The following NALF1 variants were observed in gnomAD, a reference collection of about 807,000 sequenced individuals.
The protein encoded by NALF1 is family with sequence similarity 155 member A.
Under a neutral mutation model 48.4 loss-of-function variants are expected in NALF1, and 3 were observed. That is an observed-to-expected ratio of 0.06 (90% CI 0.03 to 0.16). The LOEUF is 0.16. Ranked by LOEUF, NALF1 falls within the 10% of genes least tolerant of loss-of-function variation. NALF1 has a pLI of 1.00. For missense variants in NALF1, 526 were observed against 571.5 expected (o/e 0.92, Z 0.81); for synonymous variants, 262 against 245.7 (o/e 1.07, Z -0.62).
intron 1 of NALF1, among the ~76,000 whole-genome samples, chr13:107,665,463 A>T (rs748330155): frequency 6.6e-6 from 1 of 152,130 alleles, no homozygotes; most frequent in African/African-American, 2.4e-5. Context: ...ACCAGTTTCC[A>T]TATTAGCTTT....
intron 1 of NALF1, among the ~76,000 whole-genome samples, chr13:107,626,654 T>G (rs1208131432): frequency 6.6e-6 from 1 of 152,120 alleles, no homozygotes; most frequent in Admixed American, 6.6e-5. Flanking sequence ...AAACTGGATA[T>G]CATTATGTTA....
At chr13:107,699,778 T>A (rs1484180000) in intron 1 of NALF1, among the ~76,000 whole-genome samples, 2 of 151,836 alleles carry the variant, frequency 1.3e-5, no homozygotes, top group African/African-American at 4.8e-5. Context: ...CCCCAAATAC[T>A]CCACACACAA....
intron 1 of NALF1, among the ~76,000 whole-genome samples, chr13:107,472,244 G>A (rs1488925868): frequency 2.0e-5 from 3 of 152,256 alleles, no homozygotes; most frequent in East Asian, 1.9e-4. Context: ...CAGGAGAATT[G>A]CTTGAACCTG....
At chr13:107,566,932 A>C (rs1251564113) in intron 1 of NALF1, among the ~76,000 whole-genome samples, 1 of 152,208 alleles carries the variant, frequency 6.6e-6, no homozygotes, top group Non-Finnish European at 1.5e-5. Flanking sequence ...TATTCAAAAG[A>C]CTGCTGTATT....
intron 1 of NALF1, among the ~76,000 whole-genome samples, chr13:107,653,032 C>A (rs540788347): frequency 1.3e-5 from 2 of 152,186 alleles, no homozygotes; most frequent in African/African-American, 4.8e-5. Flanking sequence ...GGTTGAAGGA[C>A]ACTTCATTCA....
chr13:107,693,328 T>TGGGGGGGGGG (rs1566446153), intron 1 of NALF1, among the ~76,000 whole-genome samples: 23 of 55,952 alleles, frequency 4.1e-4, no homozygotes, highest in South Asian at 7.7e-4. Flanking sequence ...TGTCGTAGGG[T>TGGGGGGGGGG]AGGGGGGGCG....
intron 1 of NALF1, among the ~76,000 whole-genome samples, chr13:107,370,261 T>A (rs1883225654): frequency 6.6e-6 from 1 of 152,214 alleles, no homozygotes; most frequent in African/African-American, 2.4e-5. Flanking sequence ...GCACATGCAG[T>A]GGATGAATCA....
chr13:107,864,324 G>C (rs112477544), intron 1 of NALF1, among the ~76,000 whole-genome samples: 1 of 152,218 alleles, frequency 6.6e-6, no homozygotes, highest in Non-Finnish European at 1.5e-5. Flanking sequence ...AGGTCAGTTT[G>C]AGTTTAATTT....
Position 107,170,371 on chromosome 13 carries a change from A to C in NALF1, c.*126T>G, listed in dbSNP as rs1418750710. On this transcript the variant is annotated 3_prime_UTR_variant, in exon 3 of 3. Coordinates refer to ENST00000375915, the MANE Select transcript of NALF1 (RefSeq NM_001080396.3). ...TTTGGATTCAGGCCCATCTGTTTAA[A>C]TTTTACCCTAAAGGCCTTGCAATAA... is the stretch of plus-strand genomic sequence containing the variant. 4.5e-6 allele frequency: 4 copies of C among 893,924 alleles called. No homozygotes were observed. The highest frequency in any genetic ancestry group is 1.7e-5 in the African/African-American group (1 of 59,856). The allele number at this position is 893,924 out of a possible 1,614,324, so 55.4% of individuals were successfully genotyped here. A position where few individuals can be genotyped will look rare whatever the true frequency, so the allele number is the denominator to read the frequency against.
At chr13:107,408,255 A>T (rs977636368) in intron 1 of NALF1, among the ~76,000 whole-genome samples, 2 of 152,100 alleles carry the variant, frequency 1.3e-5, no homozygotes, top group Non-Finnish European at 2.9e-5. Flanking sequence ...ATTTTAAAAT[A>T]GATTTTAAAA....
At chr13:107,576,606 A>G (rs1878156751) in intron 1 of NALF1, among the ~76,000 whole-genome samples, 1 of 152,172 alleles carries the variant, frequency 6.6e-6, no homozygotes, top group African/African-American at 2.4e-5. Context: ...TCACATACAT[A>G]TGGGTCAAGG....
intron 2 of NALF1, among the ~76,000 whole-genome samples, chr13:107,201,304 A>G (rs937421308): frequency 6.6e-6 from 1 of 152,212 alleles, no homozygotes; most frequent in Non-Finnish European, 1.5e-5. Context: ...CACAGTTCAC[A>G]ATGAAATGCT....
chr13:107,430,977 T>C (rs961266477), intron 1 of NALF1, among the ~76,000 whole-genome samples: 1 of 152,338 alleles, frequency 6.6e-6, no homozygotes. Flanking sequence ...TCCTGACTTT[T>C]TAATGATCGC....
chr13:107,328,914 A>T (rs1159392967), intron 1 of NALF1, among the ~76,000 whole-genome samples: 1 of 152,212 alleles, frequency 6.6e-6, no homozygotes, highest in African/African-American at 2.4e-5. Flanking sequence ...CTAACCCAAT[A>T]GGTCTACCAA....
chr13:107,748,886 C>T (rs572691920), intron 1 of NALF1, among the ~76,000 whole-genome samples: 1 of 152,190 alleles, frequency 6.6e-6, no homozygotes, highest in African/African-American at 2.4e-5. Flanking sequence ...GAAAAGGCCA[C>T]TTAGCTGTGG....
chr13:107,544,965 A>G (rs950383975), intron 1 of NALF1, among the ~76,000 whole-genome samples: 1 of 152,152 alleles, frequency 6.6e-6, no homozygotes, highest in African/African-American at 2.4e-5. Flanking sequence ...AAATAAACAT[A>G]CAGTGACACA....
At chr13:107,208,689 G>C (rs1336658570) in intron 2 of NALF1, among the ~76,000 whole-genome samples, 1 of 151,778 alleles carries the variant, frequency 6.6e-6, no homozygotes, top group Non-Finnish European at 1.5e-5. Context: ...TCATGTCACA[G>C]ACACCTCATT....
chr13:107,812,800 T>C (rs922613349), intron 1 of NALF1, among the ~76,000 whole-genome samples: 4 of 152,112 alleles, frequency 2.6e-5, no homozygotes, highest in South Asian at 4.1e-4. Flanking sequence ...TTTTTGTTTG[T>C]TGGTTGGTTC....
At chr13:107,737,030 G>A (rs1251535676) in intron 1 of NALF1, among the ~76,000 whole-genome samples, 1 of 152,172 alleles carries the variant, frequency 6.6e-6, no homozygotes, top group Non-Finnish European at 1.5e-5. Flanking sequence ...TGTTTTATCT[G>A]TTCAACCAAT....
Sources: gnomAD v4.1 joint callset for allele counts (sites outside exome capture counted in the v4.1 genomes callset) on GRCh38, gnomAD v4.1.1 for gene constraint, MANE v1.5 for transcripts, NCBI Gene and HGNC (gene_info 2026-07-23, HGNC 2026-07-21) for gene names.